Variants in ATG5 observed in about 807,000 individuals in gnomAD.
The protein encoded by ATG5 is autophagy related 5, also known as autophagy protein 5.
A neutral mutation model predicts 36.5 loss-of-function variants in ATG5; 14 were observed. That is an observed-to-expected ratio of 0.38 (90% confidence interval 0.25 to 0.60). The LOEUF (loss-of-function observed/expected upper bound fraction) is 0.60. Ranked by LOEUF, ATG5 falls within the 20% of genes least tolerant of loss-of-function variation. ATG5 has a pLI of 0.60. For synonymous variants in ATG5, 95 were observed against 101.5 expected (o/e 0.94, Z 0.38); for missense variants, 195 against 326.7 (o/e 0.60, Z 3.11).
intron 2 of ATG5, among the ~76,000 whole-genome samples, chr6:106,312,623 TACACACACAC>T (rs144983689): frequency 0.022 from 3,226 of 144,492 alleles, 114 homozygotes; most frequent in African/African-American, 0.074. Context: ...CAAAAAAGAC[TACACACACAC>T]ACACACACAC....
At chr6:106,201,874 T>A (rs892691203) in intron 7 of ATG5, 98 bp downstream of exon 7, 2 of 845,944 alleles carry the variant, frequency 2.4e-6, no homozygotes, top group South Asian at 4.9e-5. Context: ...TATGAAAATA[T>A]CTTCCTGAAA....
Position 106,319,330 on chromosome 6 carries a change from G to C in ATG5, c.-58-3064C>G, listed in dbSNP as rs1445302236. Among the ~76,000 whole-genome samples, 9 of 149,454 alleles carry C rather than the reference G, an allele frequency of 6.0e-5. No homozygotes were observed. The East Asian group carries it at 1.6e-3, about 26-fold the overall frequency. ...TATATAACATAAGTAGTAATTATAG[G>C]TATAAAAAAGCTAAAAATTTTGCAG... On this transcript the variant is annotated intron_variant, in intron 1 of 7. Coordinates refer to ENST00000369076, the MANE Select transcript of ATG5 (RefSeq NM_004849.4).
In ATG5 at chr6:106,312,971, G is replaced by A. The variant is rs1005294803; in HGVS notation, c.108+3130C>T. On this transcript the variant is annotated intron_variant, in intron 2 of 7. Transcript: ENST00000369076. ...GGAGGAAAAGCCAAAGTTGAGAGATGGGGTCAACAGAAGGTTGTTGTTTCA... is the reference window on the plus strand; with the variant it reads ...GGAGGAAAAGCCAAAGTTGAGAGATAGGGTCAACAGAAGGTTGTTGTTTCA... Among the ~76,000 whole-genome samples the A allele has an allele frequency of 3.9e-5, 6 of 152,298 alleles. No homozygotes were observed. The East Asian group carries it at 5.8e-4, about 15-fold the overall frequency.
At chr6:106,235,946 T>C (rs550701387) in intron 6 of ATG5, among the ~76,000 whole-genome samples, 1 of 152,248 alleles carries the variant, frequency 6.6e-6, no homozygotes, top group Non-Finnish European at 1.5e-5. Flanking sequence ...ATTTCCATCA[T>C]GCCCTAAAAG....
At position 106,186,272 on chromosome 6, in the gene ATG5, T is replaced by G. The variant is rs1775763966; in HGVS notation, c.*268A>C. 2.7e-6 allele frequency: 1 copy of G among 373,012 alleles called. No homozygotes were observed. The highest frequency in any genetic ancestry group is 4.4e-5 in the East Asian group (1 of 22,912). The allele number at this position is 373,012 out of a possible 1,614,324, so 23.1% of individuals were successfully genotyped here. A position where few individuals can be genotyped will look rare whatever the true frequency, so the allele number is the denominator to read the frequency against. On this transcript the variant is annotated 3_prime_UTR_variant, in exon 8 of 8. Coordinates refer to ENST00000369076, the MANE Select transcript of ATG5 (RefSeq NM_004849.4). ...TCTTAGGCCAAAGGTTTCAGCTTCA[T>G]TATATTTTACAGAAGACCTTCAGTG...
intron 3 of ATG5, among the ~76,000 whole-genome samples, chr6:106,301,697 T>C (rs996952721): frequency 6.6e-6 from 1 of 152,062 alleles, no homozygotes; most frequent in Non-Finnish European, 1.5e-5. Flanking sequence ...TTGAAGCATT[T>C]CGCATTTCAG....
At chr6:106,250,508 C>T (rs1356769652) in intron 5 of ATG5, among the ~76,000 whole-genome samples, 1 of 152,200 alleles carries the variant, frequency 6.6e-6, no homozygotes, top group African/African-American at 2.4e-5. Context: ...ATTGCTTCAA[C>T]AGTTGCTGCC....
intron 6 of ATG5, among the ~76,000 whole-genome samples, chr6:106,234,246 C>A (rs1027937431): frequency 6.6e-6 from 1 of 152,142 alleles, no homozygotes; most frequent in Non-Finnish European, 1.5e-5. Flanking sequence ...ACCCTCCATA[C>A]CCATACTTGC....
intron 4 of ATG5, among the ~76,000 whole-genome samples, chr6:106,284,136 G>A (rs989241030): frequency 6.6e-6 from 1 of 152,106 alleles, no homozygotes; most frequent in Non-Finnish European, 1.5e-5. Flanking sequence ...CTTTTGTGTG[G>A]ACGCAAGTTA....
intron 3 of ATG5, among the ~76,000 whole-genome samples, chr6:106,302,780 T>TA (rs897271503): frequency 5.3e-5 from 8 of 151,618 alleles, no homozygotes; most frequent in African/African-American, 1.7e-4. Context: ...AACACATTTC[T>TA]AAAAAAAACT....
intron 3 of ATG5, among the ~76,000 whole-genome samples, chr6:106,298,004 G>A (rs1049705275): frequency 1.5e-4 from 22 of 145,566 alleles, no homozygotes; most frequent in Non-Finnish European, 2.7e-4. Context: ...TCGTTCTGTC[G>A]CCCAGGATGG....
chr6:106,325,220 C>CA (rs1034951920), intron 1 of ATG5: 3 of 152,266 alleles, frequency 2.0e-5, no homozygotes, highest in Non-Finnish European at 4.4e-5. Flanking sequence ...GTTCCACAAA[C>CA]AATTCAGGTC....
chr6:106,228,632 T>A (rs1298294835), intron 6 of ATG5, among the ~76,000 whole-genome samples: 1 of 152,082 alleles, frequency 6.6e-6, no homozygotes, highest in East Asian at 1.9e-4. Context: ...AAGGACCCCC[T>A]GGTAACAATT....
chr6:106,215,339 A>C (rs576971726), intron 6 of ATG5, among the ~76,000 whole-genome samples: 2 of 152,330 alleles, frequency 1.3e-5, no homozygotes, highest in East Asian at 3.9e-4. Flanking sequence ...GAGCTCTTCA[A>C]ACAGTCTCAC....
At chr6:106,240,056 G>C (rs947940483) in intron 6 of ATG5, among the ~76,000 whole-genome samples, 1 of 151,750 alleles carries the variant, frequency 6.6e-6, no homozygotes, top group Non-Finnish European at 1.5e-5. Flanking sequence ...GTAGTGGCAT[G>C]ATCATGGCTC....
chr6:106,305,321 G>A (rs1202546464), intron 3 of ATG5, among the ~76,000 whole-genome samples: 1 of 152,048 alleles, frequency 6.6e-6, no homozygotes, highest in African/African-American at 2.4e-5. Context: ...CCAAGCATTT[G>A]TTTAAAAAAC....
chr6:106,322,410 T>C (rs1464131576), intron 1 of ATG5, among the ~76,000 whole-genome samples: 2 of 152,148 alleles, frequency 1.3e-5, no homozygotes, highest in Non-Finnish European at 2.9e-5. Flanking sequence ...GAAAAAAAAT[T>C]ATAATCTATG....
chr6:106,202,725 G>C (rs535341734), intron 6 of ATG5, among the ~76,000 whole-genome samples: 3 of 152,044 alleles, frequency 2.0e-5, no homozygotes, highest in African/African-American at 7.3e-5. Flanking sequence ...GCAGTGGCGC[G>C]ATCTCAGCTC....
At chr6:106,266,466 G>A (rs1779232761) in intron 5 of ATG5, among the ~76,000 whole-genome samples, 1 of 152,062 alleles carries the variant, frequency 6.6e-6, no homozygotes, top group African/African-American at 2.4e-5. Context: ...CCAAACAATA[G>A]AAAAAGAGGG....
Sources: allele counts gnomAD v4.1 joint callset (sites outside exome capture counted in the v4.1 genomes callset), GRCh38; gene constraint gnomAD v4.1.1; transcripts MANE v1.5; gene names NCBI Gene and HGNC (gene_info 2026-07-23, HGNC 2026-07-21).